Variants in DNAH7 observed in about 807,000 individuals in gnomAD.
The protein encoded by DNAH7 is dynein axonemal heavy chain 7, also known as axonemal beta dynein heavy chain 7.
In DNAH7, 397 loss-of-function variants were observed where a neutral mutation model predicts 444.6. The ratio of observed to expected loss-of-function variants is 0.89; its 90% confidence interval spans 0.82 to 0.97. DNAH7 has a LOEUF of 0.97. Among genes scored for constraint, DNAH7 ranks in the 50% least tolerant of loss-of-function variants. DNAH7 has a pLI of 0.00. For synonymous variants in DNAH7, 1,636 were observed against 1,624.4 expected, an observed-to-expected ratio of 1.01 and a Z score of -0.17; for missense variants, 4,902 against 4,800.8, an observed-to-expected ratio of 1.02 and a Z score of -0.62.
intron 63 of DNAH7, among the ~76,000 whole-genome samples, chr2:195,745,431 G>A (rs922406326): frequency 1.3e-5 from 2 of 152,206 alleles, no homozygotes; most frequent in African/African-American, 4.8e-5. Flanking sequence ...AAAACACTCT[G>A]CAGGATGTTA....
At chr2:195,976,468 A>AT (rs1692190117) in intron 15 of DNAH7, among the ~76,000 whole-genome samples, 1 of 152,074 alleles carries the variant, frequency 6.6e-6, no homozygotes, top group Non-Finnish European at 1.5e-5. Flanking sequence ...CCCAGGCAGC[A>AT]TCTCAGGGAC....
In DNAH7 at chr2:195,984,725, A is replaced by G; in HGVS notation, c.1755-15T>C. 1 of 1,610,976 alleles carries G rather than the reference A, an allele frequency of 6.2e-7. No homozygotes were observed. Among genetic ancestry groups the G allele is most frequent in the Non-Finnish European group, 8.5e-7 (1 of 1,177,342 alleles). ...CATCGCATAATCTGAAACACCAAGT[A>G]AAACCAATCTTACATATTTACAGTT... On this transcript the variant is annotated splice_polypyrimidine_tract_variant and intron_variant, in intron 14 of 64. Coordinates refer to ENST00000312428, the MANE Select transcript of DNAH7 (RefSeq NM_018897.3).
At chr2:195,983,146 G>A (rs1041015572) in intron 15 of DNAH7, among the ~76,000 whole-genome samples, 4 of 151,880 alleles carry the variant, frequency 2.6e-5, no homozygotes, top group Admixed American at 2.6e-4. Context: ...AATTTAAAAG[G>A]ATTTTTTGAA....
intron 46 of DNAH7, 81 bp from the exon 47 acceptor site, chr2:195,845,246 G>C: frequency 1.8e-6 from 2 of 1,140,152 alleles, no homozygotes; most frequent in South Asian, 3.8e-5. Context: ...AATTTATACT[G>C]TATTCATTGA....
At chr2:195,953,818 T>C (rs1690435561) in intron 19 of DNAH7, among the ~76,000 whole-genome samples, 1 of 152,214 alleles carries the variant, frequency 6.6e-6, no homozygotes, top group South Asian at 2.1e-4. Flanking sequence ...TATTAGGAAC[T>C]CCTAAGAATG....
At chr2:195,786,916 T>C (rs1695650026) in intron 58 of DNAH7, 94 bp downstream of exon 58, 24 of 1,284,642 alleles carry the variant, frequency 1.9e-5, no homozygotes, top group Admixed American at 2.6e-5. Flanking sequence ...TTCATAAGAG[T>C]AGAAATTAAT....
intron 42 of DNAH7, among the ~76,000 whole-genome samples, chr2:195,859,207 G>T (rs1454498598): frequency 6.6e-6 from 1 of 152,112 alleles, no homozygotes; most frequent in Non-Finnish European, 1.5e-5. Flanking sequence ...ACGCACTTCA[G>T]TGCTCAAAAT....
At position 195,921,352 on chromosome 2, in the gene DNAH7, TACACACACACACACACACAC is replaced by T. The variant is rs140152411; in HGVS notation, c.3935+716_3935+735del. Among the ~76,000 whole-genome samples the T allele has an allele frequency of 1.1e-4, 15 of 140,462 alleles. 1 individual carries two copies. The South Asian group carries it at 2.7e-3, about 25-fold the overall frequency. The allele number at this position is 140,462 out of a possible 152,430, so 92.1% of individuals were successfully genotyped here. ...ATGAGTGGATAAAGAAAATGTGGTG[TACACACACACACACACACAC>T]ACACACACACACACACACACACCAT... On this transcript the variant is annotated intron_variant, in intron 24 of 64. Coordinates refer to ENST00000312428, the MANE Select transcript of DNAH7 (RefSeq NM_018897.3).
Position 195,923,700 on chromosome 2 carries a change from C to A in DNAH7, c.3720G>T (p.Val1240=). ...MQNRVTLGAL[V]VLDVHARDVL... is the part of the protein sequence containing the mutation. The stretch of plus-strand genomic sequence containing the variant: ...CATCTCTAGCATGGACATCCAGTAC[C>A]ACAAGTGCTCCCAGAGTTACGCGAT... The change falls in exon 23 of 65, where the codon GTG becomes GTT. Residue 1240 remains valine (V), a synonymous_variant. Coordinates refer to ENST00000312428, the MANE Select transcript of DNAH7 (RefSeq NM_018897.3). The A allele has an allele frequency of 6.2e-7, 1 of 1,614,094 alleles. No individual in the cohort carries two copies. The highest frequency in any genetic ancestry group is 8.5e-7 in the Non-Finnish European group (1 of 1,180,010).
intron 12 of DNAH7, among the ~76,000 whole-genome samples, chr2:195,998,392 G>A (rs114483794): frequency 0.016 from 2,365 of 152,036 alleles, 55 homozygotes; most frequent in African/African-American, 0.053. Flanking sequence ...TGGCTAAGAC[G>A]TTGAAACCCC....
chr2:195,988,777 A>T (rs1693097208), intron 12 of DNAH7, among the ~76,000 whole-genome samples: 1 of 152,086 alleles, frequency 6.6e-6, no homozygotes, highest in Admixed American at 6.6e-5. Context: ...GAACACCAGA[A>T]CTTACTCCTC....
At chr2:195,858,337 G>A (rs756186924) in intron 43 of DNAH7, 137 bp downstream of exon 43, 116 of 749,576 alleles carry the variant, frequency 1.5e-4, no homozygotes, top group Non-Finnish European at 2.0e-4. Context: ...GAATTCTTTT[G>A]CCAATTTCAA....
chr2:195,776,000 C>G lies in DNAH7; in HGVS notation c.11065-17G>C. On this transcript the variant is annotated splice_polypyrimidine_tract_variant and intron_variant, in intron 59 of 64. Transcript: ENST00000312428. Reference sequence around the variant, plus strand: ...GCTTTTGTGCTGCAGAGATGAATAACAAGAAGTCAGGAGGTTAGAAATCAA... The same window carrying G: ...GCTTTTGTGCTGCAGAGATGAATAAGAAGAAGTCAGGAGGTTAGAAATCAA... 3 of 1,611,482 alleles carry G rather than the reference C, an allele frequency of 1.9e-6. No individual in the cohort carries two copies. In the South Asian group the frequency reaches 3.3e-5, roughly 18 times the overall value.
chr2:195,799,416 T>G lies in DNAH7; in HGVS notation c.10233A>C (p.Glu3411Asp). The G allele has an allele frequency of 6.2e-7, 1 of 1,610,378 alleles. No homozygotes were observed. The highest frequency in any genetic ancestry group is 8.5e-7 in the Non-Finnish European group (1 of 1,178,350). The change falls in exon 55 of 65, where the codon GAA (glutamate) becomes GAC (aspartate). Residue 3411 changes from glutamate to aspartate, a missense_variant. Glu to Asp is a conservative substitution (Grantham distance 45, BLOSUM62 2). Coordinates refer to ENST00000312428, the MANE Select transcript of DNAH7 (RefSeq NM_018897.3). ...IINRLGRAFIEPPPFDLAKAF... is the reference protein window; with the variant it reads ...IINRLGRAFIDPPPFDLAKAF... ...CCTTGGCTAAATCAAAGGGGGGTGG[T>G]TCAATGAATGCACGTCCCAATCTGT...
intron 27 of DNAH7, chr2:195,900,773 TA>T (rs1183924223): frequency 8.5e-6 from 2 of 235,630 alleles, no homozygotes; most frequent in Non-Finnish European, 1.7e-5. Context: ...ATTTATTCTA[TA>T]TTTTTAAATA....
chr2:195,876,393 G>T (rs77729182), intron 37 of DNAH7, 151 bp downstream of exon 37: 1 of 709,990 alleles, frequency 1.4e-6, no homozygotes, highest in South Asian at 2.1e-5. Context: ...ACATACAAAT[G>T]TAACTACATT....
At chr2:195,758,494 C>A (rs532440774) in intron 61 of DNAH7, among the ~76,000 whole-genome samples, 1 of 152,214 alleles carries the variant, frequency 6.6e-6, no homozygotes, top group South Asian at 2.1e-4. Flanking sequence ...AGCAAGATGG[C>A]CAATAGAAGC....
At chr2:195,747,788 C>T (rs1574361140) in intron 63 of DNAH7, among the ~76,000 whole-genome samples, 1 of 152,148 alleles carries the variant, frequency 6.6e-6, no homozygotes, top group African/African-American at 2.4e-5. Context: ...TTCAACAACC[C>T]TTCATGCTAA....
intron 35 of DNAH7, among the ~76,000 whole-genome samples, chr2:195,882,691 C>G (rs1701458536): frequency 6.6e-6 from 1 of 152,202 alleles, no homozygotes; most frequent in African/African-American, 2.4e-5. Context: ...AAACATTCAA[C>G]AACATCATGA....
Sources: gnomAD v4.1 joint callset for allele counts (sites outside exome capture counted in the v4.1 genomes callset) on GRCh38, gnomAD v4.1.1 for gene constraint, MANE v1.5 for transcripts, NCBI Gene and HGNC (gene_info 2026-07-23, HGNC 2026-07-21) for gene names.